MPP7: variants seen among roughly 807,000 people sequenced by gnomAD.
The protein encoded by MPP7 is MAGUK p55 subfamily member 7.
MPP7 carries 60 observed loss-of-function variants against 76.5 expected under a neutral mutation model. The ratio of observed to expected loss-of-function variants is 0.78; its 90% CI spans 0.64 to 0.97. The LOEUF (loss-of-function observed/expected upper bound fraction) is 0.97. Ranked by LOEUF, MPP7 falls within the 50% of genes least tolerant of loss-of-function variation. The pLI, the probability that MPP7 is intolerant of heterozygous loss-of-function variation, is 0.00. For synonymous variants in MPP7, 237 were observed against 244.5 expected (o/e 0.97, Z 0.29); for missense variants, 641 against 694.0 (o/e 0.92, Z 0.86).
intron 1 of MPP7, among the ~76,000 whole-genome samples, chr10:28,294,335 TAC>T (rs1244075972): frequency 1.3e-5 from 2 of 152,152 alleles, no homozygotes; most frequent in African/African-American, 4.8e-5. Context: ...GGTCATCAAA[TAC>T]AAAGTTGTCA....
chr10:28,146,374 T>C (rs895899748), intron 5 of MPP7, among the ~76,000 whole-genome samples: 1 of 151,622 alleles, frequency 6.6e-6, no homozygotes, highest in Non-Finnish European at 1.5e-5. Context: ...TTAGGGTTTA[T>C]AGTCCACGCA....
At chr10:28,155,554 T>C (rs1362410062) in intron 3 of MPP7, among the ~76,000 whole-genome samples, 4 of 141,592 alleles carry the variant, frequency 2.8e-5, no homozygotes, top group African/African-American at 1.1e-4. Flanking sequence ...GCTCAGATTG[T>C]GCCACCACAC....
At chr10:28,144,907 AT>A (rs1240174620) in intron 5 of MPP7, among the ~76,000 whole-genome samples, 1 of 152,202 alleles carries the variant, frequency 6.6e-6, no homozygotes, top group African/African-American at 2.4e-5. Context: ...AAGAAAAAAA[AT>A]CTAAGAATAA....
Position 28,166,705 on chromosome 10 carries a change from C to A in MPP7, c.157-16646G>T, listed in dbSNP as rs533362445. Among the ~76,000 whole-genome samples the A allele has an allele frequency of 5.3e-5, 8 of 152,146 alleles. No homozygotes were observed. In the East Asian group the frequency reaches 1.5e-3, roughly 29 times the overall value. On this transcript the variant is annotated intron_variant, in intron 3 of 16. Coordinates refer to ENST00000683449, the MANE Select transcript of MPP7 (RefSeq NM_001318170.2). ...TACAGGCGTGAGCCACCACACCCAG[C>A]CTTATCTTTTAATTTTTAAAAAAAA...
intron 5 of MPP7, 139 bp downstream of exon 5, chr10:28,147,344 T>C: frequency 3.1e-6 from 2 of 635,484 alleles, no homozygotes; most frequent in Non-Finnish European, 5.6e-6. Flanking sequence ...TTCTCATTAA[T>C]AGGATTTAGG....
Position 28,086,059 on chromosome 10 carries a change from T to C in MPP7, c.1123+3612A>G, listed in dbSNP as rs1005848811. On this transcript the variant is annotated intron_variant, in intron 12 of 16. Coordinates refer to ENST00000683449, the MANE Select transcript of MPP7 (RefSeq NM_001318170.2). ...CAGGAACAGAAAACCAAACACCGCATGTTCTCACTTATAAGTGGAAGTTGA... is the reference window on the plus strand; with the variant it reads ...CAGGAACAGAAAACCAAACACCGCACGTTCTCACTTATAAGTGGAAGTTGA... 6.6e-5 allele frequency among the ~76,000 whole-genome samples: 10 copies of C among 152,270 alleles called. No individual in the cohort carries two copies. The East Asian group carries it at 1.9e-3, about 29-fold the overall frequency.
In MPP7 at chr10:28,119,020, G is replaced by A. The variant is rs527717521; in HGVS notation, c.952+631C>T. 3.0e-6 allele frequency: 3 copies of A among 985,366 alleles called. No individual in the cohort carries two copies. In the Admixed American group the frequency reaches 1.8e-4, roughly 61 times the overall value. The allele number at this position is 985,366 out of a possible 1,614,324, so 61.0% of individuals were successfully genotyped here. ...AATTTATGGGATGCAGACTTGAAGAGCTGGGTGGTGGGAAATAAAGAAAAG... is the reference window on the plus strand; with the variant it reads ...AATTTATGGGATGCAGACTTGAAGAACTGGGTGGTGGGAAATAAAGAAAAG... On this transcript the variant is annotated intron_variant, in intron 11 of 16. Coordinates refer to ENST00000683449, the MANE Select transcript of MPP7 (RefSeq NM_001318170.2).
intron 1 of MPP7, among the ~76,000 whole-genome samples, chr10:28,291,060 C>T (rs953757700): frequency 3.3e-5 from 5 of 152,162 alleles, no homozygotes; most frequent in Admixed American, 1.3e-4. Context: ...AGAATAAATG[C>T]CTACTGCTGC....
chr10:28,116,768 TA>T (rs1834675528), intron 11 of MPP7, among the ~76,000 whole-genome samples: 1 of 152,152 alleles, frequency 6.6e-6, no homozygotes, highest in African/African-American at 2.4e-5. Flanking sequence ...AGAGGTAAAT[TA>T]TTTTTTTGTT....
chr10:28,106,879 A>G (rs1834341352), intron 11 of MPP7, among the ~76,000 whole-genome samples: 1 of 152,160 alleles, frequency 6.6e-6, no homozygotes. Context: ...CTCTAAAGAA[A>G]CCCATATTTC....
At position 28,278,894 on chromosome 10, in the gene MPP7, C is replaced by T. The variant is rs560332466; in HGVS notation, c.-132+23967G>A. Among the ~76,000 whole-genome samples, 15 of 149,924 alleles carry T rather than the reference C, an allele frequency of 1.0e-4. 1 individual carries two copies. Among genetic ancestry groups the T allele is most frequent in the African/African-American group, 3.4e-4 (14 of 40,670 alleles). On this transcript the variant is annotated intron_variant, in intron 1 of 16. Transcript: ENST00000683449. ...CATTTATTGCGTTCTCTTTGCCATT[C>T]ATTATTTCTGAAATGTTACCCAAAT...
intron 1 of MPP7, among the ~76,000 whole-genome samples, chr10:28,332,246 C>CGTGTGTGTGTGTGTGTGTGTGT (rs4018712): frequency 3.3e-3 from 480 of 146,882 alleles, no homozygotes; most frequent in South Asian, 6.4e-3. Context: ...CAAATGTATG[C>CGTGTGTGTGTGTGTGTGTGTGT]GTGTGTGTGT....
At chr10:28,089,424 A>AAT in intron 12 of MPP7, among the ~76,000 whole-genome samples, 1 of 152,050 alleles carries the variant, frequency 6.6e-6, no homozygotes, top group Non-Finnish European at 1.5e-5. Context: ...ATATTACAAC[A>AAT]GTGTTTGCTA....
chr10:28,277,741 A>G (rs1840547489), intron 1 of MPP7, among the ~76,000 whole-genome samples: 1 of 152,142 alleles, frequency 6.6e-6, no homozygotes, highest in African/African-American at 2.4e-5. Context: ...GAGCATAATT[A>G]GACTAGAATG....
chr10:28,262,244 CATATAT>C (rs1209809486), intron 1 of MPP7, among the ~76,000 whole-genome samples: 3 of 36,400 alleles, frequency 8.2e-5, no homozygotes, highest in Non-Finnish European at 1.2e-4. Context: ...TATATATATA[CATATAT>C]ATATATATGT....
intron 3 of MPP7, among the ~76,000 whole-genome samples, chr10:28,154,894 C>T (rs1158306708): frequency 2.0e-5 from 3 of 151,976 alleles, no homozygotes; most frequent in African/African-American, 7.3e-5. Context: ...ATCTGTATTT[C>T]AGTAATTGTT....
At chr10:28,124,221 T>G (rs1834936494) in intron 7 of MPP7, 105 bp from the exon 8 acceptor site, 1 of 765,190 alleles carries the variant, frequency 1.3e-6, no homozygotes, top group Non-Finnish European at 2.3e-6. Flanking sequence ...CTTAATACAC[T>G]TAACGAATGG....
intron 1 of MPP7, among the ~76,000 whole-genome samples, chr10:28,298,592 A>C (rs1032711693): frequency 6.6e-6 from 1 of 152,216 alleles, no homozygotes; most frequent in African/African-American, 2.4e-5. Context: ...ATGACGCTTA[A>C]CAATTTTTGG....
rs931104924 is a variant in MPP7 at position 28,251,821 on chromosome 10, C to A, written c.-131-13086G>T. ...CCTGTAGTCCCAGATACTTGGGAGGCTGAGGTGGGAGGATTACTTGACCCC... is the reference window on the plus strand; with the variant it reads ...CCTGTAGTCCCAGATACTTGGGAGGATGAGGTGGGAGGATTACTTGACCCC... On this transcript the variant is annotated intron_variant, in intron 1 of 16. Coordinates refer to ENST00000683449, the MANE Select transcript of MPP7 (RefSeq NM_001318170.2). Among the ~76,000 whole-genome samples, 5 of 152,214 alleles carry A rather than the reference C, an allele frequency of 3.3e-5. No homozygotes were observed. The East Asian group carries it at 7.7e-4, about 24-fold the overall frequency.
Sources: allele counts gnomAD v4.1 joint callset (sites outside exome capture counted in the v4.1 genomes callset), GRCh38; gene constraint gnomAD v4.1.1; transcripts MANE v1.5; gene names NCBI Gene and HGNC (gene_info 2026-07-23, HGNC 2026-07-21).